The following RPS6KC1 variants were observed in gnomAD, a reference collection of about 807,000 sequenced individuals.
RPS6KC1 encodes the protein ribosomal protein S6 kinase C1, also known as inactive ribosomal protein S6 kinase delta-1.
RPS6KC1 carries 54 observed loss-of-function variants against 103.8 expected under a neutral mutation model. The observed-to-expected ratio is 0.52, with a 90% CI of 0.42 to 0.65. RPS6KC1 has a LOEUF of 0.65. Among genes scored for constraint, RPS6KC1 ranks in the 30% least tolerant of loss-of-function variants. The pLI is 0.00. For synonymous variants in RPS6KC1, 439 were observed against 438.7 expected (o/e 1.00, Z -0.01); for missense variants, 1,151 against 1,253.8 (o/e 0.92, Z 1.24).
chr1:213,580,374 G>T, the RPS6KC1 span, among the ~76,000 whole-genome samples: 1 of 152,044 alleles, frequency 6.6e-6, no homozygotes, highest in African/African-American at 2.4e-5. Context: ...ACTGCTTCTA[G>T]TGCAAAGAAA....
At chr1:213,223,207 T>G (rs1478695519) in intron 8 of RPS6KC1, among the ~76,000 whole-genome samples, 1 of 152,178 alleles carries the variant, frequency 6.6e-6, no homozygotes, top group African/African-American at 2.4e-5. Flanking sequence ...CCTGTAGTCT[T>G]TTTGTTTCTT....
chr1:213,664,277 C>T, the RPS6KC1 span, among the ~76,000 whole-genome samples: 6 of 152,074 alleles, frequency 3.9e-5, no homozygotes, highest in South Asian at 1.2e-3. Flanking sequence ...TGCTGAGGCT[C>T]CGGCCTCAGG....
chr1:213,137,775 C>CTATATATATA (rs1558395288), intron 6 of RPS6KC1, among the ~76,000 whole-genome samples: 1 of 32,232 alleles, frequency 3.1e-5, no homozygotes, highest in African/African-American at 1.0e-4. Context: ...CTCTCTCTCT[C>CTATATATATA]TCTATATATA....
chr1:213,153,167 G>A (rs2089437287), intron 6 of RPS6KC1, among the ~76,000 whole-genome samples: 2 of 152,148 alleles, frequency 1.3e-5, no homozygotes, highest in South Asian at 2.1e-4. Context: ...GCAGTGAGCC[G>A]AGATGGCAGC....
At chr1:213,629,985 A>G in the RPS6KC1 span, among the ~76,000 whole-genome samples, 2 of 152,262 alleles carry the variant, frequency 1.3e-5, no homozygotes, top group Admixed American at 6.5e-5. Flanking sequence ...CTTTGTGGGT[A>G]ACGTGACCTT....
At chr1:213,529,239 G>A in the RPS6KC1 span, among the ~76,000 whole-genome samples, 1 of 152,124 alleles carries the variant, frequency 6.6e-6, no homozygotes, top group Non-Finnish European at 1.5e-5. Context: ...TCACGGGAGA[G>A]CTAACCAGGC....
intron 8 of RPS6KC1, among the ~76,000 whole-genome samples, chr1:213,182,959 A>G (rs554713133): frequency 8.0e-5 from 12 of 150,496 alleles, no homozygotes; most frequent in Non-Finnish European, 1.8e-4. Flanking sequence ...CATGATATAT[A>G]TATATGTAAA....
At chr1:213,285,990 A>G in the RPS6KC1 span, among the ~76,000 whole-genome samples, 4 of 152,192 alleles carry the variant, frequency 2.6e-5, no homozygotes, top group Non-Finnish European at 5.9e-5. Flanking sequence ...TAAGTTGTTT[A>G]TAAATTACCC....
At chr1:213,746,071 A>C in the RPS6KC1 span, among the ~76,000 whole-genome samples, 1 of 152,232 alleles carries the variant, frequency 6.6e-6, no homozygotes, top group East Asian at 1.9e-4. Context: ...CTCAGTGAAC[A>C]AAAGAGACAC....
At chr1:213,294,068 C>G in the RPS6KC1 span, among the ~76,000 whole-genome samples, 4 of 152,212 alleles carry the variant, frequency 2.6e-5, no homozygotes, top group African/African-American at 9.6e-5. Flanking sequence ...CACCATTAAA[C>G]AGCAGAGTAC....
chr1:213,733,954 AT>A, the RPS6KC1 span, among the ~76,000 whole-genome samples: 1 of 152,230 alleles, frequency 6.6e-6, no homozygotes, highest in South Asian at 2.1e-4. Flanking sequence ...CCCTGTGCAA[AT>A]GCTGGAAATG....
the RPS6KC1 span, among the ~76,000 whole-genome samples, chr1:213,378,814 C>A: frequency 6.6e-6 from 1 of 152,192 alleles, no homozygotes; most frequent in Admixed American, 6.5e-5. Flanking sequence ...CATGCCCTTC[C>A]TCCGACATCC....
chr1:213,529,069 T>A, the RPS6KC1 span, among the ~76,000 whole-genome samples: 1 of 152,148 alleles, frequency 6.6e-6, no homozygotes, highest in African/African-American at 2.4e-5. Context: ...TCAGGCACAA[T>A]TTTTGCCTTT....
chr1:213,304,539 CTT>C, the RPS6KC1 span, among the ~76,000 whole-genome samples: 8 of 143,266 alleles, frequency 5.6e-5, no homozygotes, highest in Non-Finnish European at 6.1e-5. Context: ...AATTTTGCAT[CTT>C]TTTTTTTTTT....
intron 8 of RPS6KC1, among the ~76,000 whole-genome samples, chr1:213,205,551 TATATATATATATATATTTCAA>T (rs2093322866): frequency 7.5e-6 from 1 of 133,040 alleles, no homozygotes; most frequent in African/African-American, 2.7e-5. Flanking sequence ...TATATAGATA[TATATATATATATATATTTCAA>T]AAGAATGTAG....
the RPS6KC1 span, among the ~76,000 whole-genome samples, chr1:213,289,067 T>A: frequency 2.0e-5 from 3 of 152,100 alleles, no homozygotes; most frequent in Non-Finnish European, 4.4e-5. Flanking sequence ...CTGCTGTTCC[T>A]CAGGCGCCCC....
chr1:213,450,318 A>G, the RPS6KC1 span, among the ~76,000 whole-genome samples: 1 of 151,570 alleles, frequency 6.6e-6, no homozygotes, highest in Admixed American at 6.6e-5. Flanking sequence ...GACTAGCAAT[A>G]AGCTGAGTTT....
chr1:213,693,671 C>T, the RPS6KC1 span, among the ~76,000 whole-genome samples: 3 of 152,176 alleles, frequency 2.0e-5, no homozygotes, highest in African/African-American at 4.8e-5. Flanking sequence ...TTTGGAGAAT[C>T]GCTGTTGTTC....
chr1:213,724,676 G>T, the RPS6KC1 span, among the ~76,000 whole-genome samples: 2 of 152,136 alleles, frequency 1.3e-5, no homozygotes, highest in Non-Finnish European at 2.9e-5. Context: ...AAGGTGGGAA[G>T]ATCACTTGAG....
Sources: allele counts gnomAD v4.1 joint callset (sites outside exome capture counted in the v4.1 genomes callset), GRCh38; gene constraint gnomAD v4.1.1; transcripts MANE v1.5; gene names NCBI Gene and HGNC (gene_info 2026-07-23, HGNC 2026-07-21).